Variants in ZNF536 observed in about 807,000 individuals in gnomAD.
ZNF536 encodes the protein zinc finger protein 536.
ZNF536 carries 13 observed loss-of-function variants against 84.5 expected under a neutral mutation model. The ratio of observed to expected loss-of-function variants is 0.15; its 90% CI spans 0.10 to 0.24. ZNF536 has a LOEUF of 0.24. ZNF536 is among the 10% of genes least tolerant of loss of function. The probability of loss-of-function intolerance (pLI) is 1.00; values close to 1 mark genes in which losing one functional copy is unlikely to be tolerated. For synonymous variants in ZNF536, 811 were observed against 742.5 expected (o/e 1.09, Z -1.50); for missense variants, 1,536 against 1,747.5 (o/e 0.88, Z 2.16).
intron 1 of ZNF536, among the ~76,000 whole-genome samples, chr19:30,605,032 A>T (rs946477564): frequency 2.0e-5 from 3 of 152,134 alleles, no homozygotes; most frequent in African/African-American, 4.8e-5. Context: ...TAATCCTCAC[A>T]GTCTCTCTGT....
Position 30,444,201 on chromosome 19 carries a change from G to C in ZNF536, c.639G>C (p.Leu213=). Residue 213 remains leucine, a synonymous_variant, in exon 2 of 5, where the codon CTG becomes CTC. Coordinates refer to ENST00000355537, the MANE Select transcript of ZNF536 (RefSeq NM_014717.3). ...GCGCCATCCTGCGGGACAAGCAGCT[G>C]AAAGGCAGCCTGCTGCAGCCCCGGC... The part of the protein sequence containing the change: ...EERAILRDKQ[L]KGSLLQPRPD... 1 of 1,554,418 alleles carries C rather than the reference G, an allele frequency of 6.4e-7. No individual in the cohort carries two copies. Among genetic ancestry groups the C allele is most frequent in the Non-Finnish European group, 8.7e-7 (1 of 1,154,208 alleles).
intron 1 of ZNF536, among the ~76,000 whole-genome samples, chr19:30,376,822 A>G (rs929003021): frequency 6.6e-6 from 1 of 152,304 alleles, no homozygotes; most frequent in African/African-American, 2.4e-5. Flanking sequence ...CCCCCATTAA[A>G]GCACATGTGC....
intron 1 of ZNF536, among the ~76,000 whole-genome samples, chr19:30,282,914 T>G (rs1600062976): frequency 6.6e-6 from 1 of 152,208 alleles, no homozygotes; most frequent in Non-Finnish European, 1.5e-5. Context: ...GATAGGCAGG[T>G]AGAAATGTGT....
At chr19:30,644,758 G>A (rs997060432) in intron 1 of ZNF536, among the ~76,000 whole-genome samples, 1 of 152,172 alleles carries the variant, frequency 6.6e-6, no homozygotes, top group African/African-American at 2.4e-5. Context: ...TCTTAATCCA[G>A]CCTTTTATTT....
chr19:30,537,094 G>A (rs1443295363), intron 3 of ZNF536, among the ~76,000 whole-genome samples: 1 of 152,198 alleles, frequency 6.6e-6, no homozygotes, highest in Non-Finnish European at 1.5e-5. Flanking sequence ...AACTCCTTGA[G>A]AGCAAAGGCT....
intron 1 of ZNF536, among the ~76,000 whole-genome samples, chr19:30,262,930 C>T (rs959860676): frequency 6.6e-6 from 1 of 152,204 alleles, no homozygotes; most frequent in African/African-American, 2.4e-5. Flanking sequence ...AAGGCCAACC[C>T]TCTTGGGAAT....
intron 1 of ZNF536, among the ~76,000 whole-genome samples, chr19:30,682,418 G>A (rs1345264141): frequency 1.3e-5 from 2 of 152,194 alleles, no homozygotes; most frequent in East Asian, 1.9e-4. Flanking sequence ...AGCATACAGT[G>A]TAATTCACAC....
intron 1 of ZNF536, among the ~76,000 whole-genome samples, chr19:30,705,479 T>C (rs1403107528): frequency 2.0e-5 from 3 of 151,860 alleles, no homozygotes; most frequent in Non-Finnish European, 4.4e-5. Flanking sequence ...AGAATGAGGG[T>C]GACTAAGTAC....
In ZNF536 at chr19:30,443,573, C is replaced by T. The variant is rs781270407; in HGVS notation, c.11C>T (p.Ala4Val). 1.9e-6 allele frequency: 3 copies of T among 1,539,436 alleles called. No individual in the cohort carries two copies. The highest frequency in any genetic ancestry group is 2.6e-6 in the Non-Finnish European group (3 of 1,145,898). The change falls in exon 2 of 5, where the codon GCG (alanine) becomes GTG (valine). Residue 4 changes from alanine (A) to valine (V), a missense_variant. Ala to Val is a moderately conservative substitution (Grantham distance 64). This residue lies in a region of ZNF536 where 161 missense variants were observed against 178.5 expected (regional missense o/e 0.90). Coordinates refer to ENST00000355537, the MANE Select transcript of ZNF536 (RefSeq NM_014717.3). ...CCTCTCTTTTCAGGGATGGAAGAAG[C>T]GAGCCTGTGCCTTGGAGTGTCTTCG... MEEASLCLGVSSAE... is the reference protein window; with the variant it reads MEEVSLCLGVSSAE...
chr19:30,685,497 A>G (rs1000220436), intron 1 of ZNF536, among the ~76,000 whole-genome samples: 6 of 152,150 alleles, frequency 3.9e-5, no homozygotes, highest in African/African-American at 1.4e-4. Flanking sequence ...CCTTGCAAAC[A>G]GGGCCCATGG....
intron 1 of ZNF536, among the ~76,000 whole-genome samples, chr19:30,688,251 TC>T (rs1249676735): frequency 6.6e-6 from 1 of 152,190 alleles, no homozygotes; most frequent in Non-Finnish European, 1.5e-5. Context: ...GATCTCTCCT[TC>T]CCAGCACCTG....
intron 1 of ZNF536, among the ~76,000 whole-genome samples, chr19:30,604,089 T>C (rs1450651976): frequency 6.6e-6 from 1 of 152,020 alleles, no homozygotes; most frequent in Non-Finnish European, 1.5e-5. Context: ...GACTCCATCT[T>C]AATTTAAAAA....
intron 2 of ZNF536, among the ~76,000 whole-genome samples, chr19:30,481,873 G>A (rs1004255193): frequency 7.3e-5 from 11 of 149,860 alleles, no homozygotes; most frequent in Admixed American, 2.6e-4. Flanking sequence ...TTACACCTTT[G>A]CCTCCTCATA....
chr19:30,603,730 A>T (rs1445409147), intron 1 of ZNF536, among the ~76,000 whole-genome samples: 1 of 152,140 alleles, frequency 6.6e-6, no homozygotes, highest in Non-Finnish European at 1.5e-5. Flanking sequence ...AAGTCTCTTT[A>T]AAAAAAGCAC....
chr19:30,316,348 T>C (rs1213556800), intron 2 of ZNF536, among the ~76,000 whole-genome samples: 1 of 152,238 alleles, frequency 6.6e-6, no homozygotes, highest in Non-Finnish European at 1.5e-5. Context: ...ATCATCTACT[T>C]GTATGTCCCT....
At chr19:30,229,182 C>T (rs2022823563) in intron 1 of ZNF536, among the ~76,000 whole-genome samples, 1 of 152,120 alleles carries the variant, frequency 6.6e-6, no homozygotes, top group Admixed American at 6.5e-5. Flanking sequence ...GCAACCAAAA[C>T]AAGAGCAGGA....
At chr19:30,330,419 A>C (rs73551229) in intron 2 of ZNF536, among the ~76,000 whole-genome samples, 1,844 of 152,190 alleles carry the variant, frequency 0.012, 43 homozygotes, top group African/African-American at 0.043. Flanking sequence ...GTTTGGTGAG[A>C]AACTTTGCAG....
chr19:30,290,571 C>T (rs1298729663), intron 2 of ZNF536, among the ~76,000 whole-genome samples: 3 of 152,182 alleles, frequency 2.0e-5, no homozygotes, highest in Non-Finnish European at 4.4e-5. Context: ...TGCACCCGGC[C>T]CCCTATGTTG....
Position 30,538,425 on chromosome 19 carries a change from A to G in ZNF536, c.2323+3426A>G, listed in dbSNP as rs1159997595. 2.0e-5 allele frequency among the ~76,000 whole-genome samples: 3 copies of G among 152,172 alleles called. No individual in the cohort carries two copies. The East Asian group carries it at 5.8e-4, about 29-fold the overall frequency. ...TGGAAGTCTCGATCATGTAACATCA[A>G]TGGATAAAACCTCTCTCCTTTTTCT... On this transcript the variant is annotated intron_variant, in intron 3 of 4. Transcript: ENST00000355537.
Sources: gnomAD v4.1 joint callset for allele counts (sites outside exome capture counted in the v4.1 genomes callset) on GRCh38, gnomAD v4.1.1 for gene constraint, gnomAD v4.1.1 regional missense constraint, MANE v1.5 for transcripts, NCBI Gene and HGNC (gene_info 2026-07-23, HGNC 2026-07-21) for gene names.